The following RPS6KA3 variants were observed in gnomAD, a reference collection of about 807,000 sequenced individuals.
RPS6KA3 encodes ribosomal protein S6 kinase alpha-3.
In RPS6KA3, 4 loss-of-function variants were observed where a neutral mutation model predicts 67.2. The observed-to-expected ratio is 0.06, with a 90% CI of 0.03 to 0.14. The LOEUF (loss-of-function observed/expected upper bound fraction) is 0.14. Among genes scored for constraint, RPS6KA3 ranks in the 10% least tolerant of loss-of-function variants. RPS6KA3 has a pLI of 1.00. For synonymous variants in RPS6KA3, 182 were observed against 183.7 expected, an observed-to-expected ratio of 0.99 and a Z score of 0.07; for missense variants, 204 against 559.0, an observed-to-expected ratio of 0.36 and a Z score of 6.40.
chrX:20,255,969 G>T (rs1383925990), intron 1 of RPS6KA3, among the ~76,000 whole-genome samples: 1 of 103,990 alleles, frequency 9.6e-6, no homozygotes, highest in Non-Finnish European at 2.0e-5. Flanking sequence ...AATTAGCCAG[G>T]CGTGGTGGTG....
intron 4 of RPS6KA3, among the ~76,000 whole-genome samples, chrX:20,199,669 A>G (rs1227075721): frequency 6.3e-5 from 7 of 111,952 alleles, no homozygotes; most frequent in Non-Finnish European, 1.3e-4. Flanking sequence ...ACCACACCTC[A>G]TATATCATAT....
In RPS6KA3 at chrX:20,164,762, A is replaced by G; in HGVS notation, c.1764+137T>C. The G allele has an allele frequency of 7.5e-6, 4 of 533,454 alleles. No homozygotes were observed. In the South Asian group the frequency reaches 1.1e-4, roughly 15 times the overall value. The allele number at this position is 533,454 out of a possible 1,213,427, so 44.0% of individuals were successfully genotyped here. A position where few individuals can be genotyped will look rare whatever the true frequency, so the allele number is the denominator to read the frequency against. On this transcript the variant is annotated intron_variant, in intron 18 of 21. Transcript: ENST00000379565. ...GATGTCACTGAAACATTAAACAGGG[A>G]AATGAAAGGCTGGCATTTTATCCTA...
intron 7 of RPS6KA3, among the ~76,000 whole-genome samples, chrX:20,190,299 T>G (rs750391471): frequency 8.9e-6 from 1 of 112,126 alleles, no homozygotes; most frequent in Non-Finnish European, 1.9e-5. Flanking sequence ...TGAAAAACCC[T>G]TAACAGTTCA....
chrX:20,252,229 G>T (rs1358929039), intron 1 of RPS6KA3, among the ~76,000 whole-genome samples: 1 of 111,471 alleles, frequency 9.0e-6, no homozygotes, highest in Non-Finnish European at 1.9e-5. Flanking sequence ...GCTCACTGAG[G>T]CATTTTTGTG....
chrX:20,220,753 A>G (rs1029669476), intron 2 of RPS6KA3, among the ~76,000 whole-genome samples: 1 of 111,640 alleles, frequency 9.0e-6, no homozygotes, highest in Non-Finnish European at 1.9e-5. Context: ...TTCAGACACC[A>G]AAATCTGAAA....
intron 2 of RPS6KA3, among the ~76,000 whole-genome samples, chrX:20,227,686 T>C (rs1603429960): frequency 1.0e-5 from 1 of 100,222 alleles, no homozygotes; most frequent in South Asian, 4.1e-4. Flanking sequence ...GGAAAATTGC[T>C]TTTTTTTTTA....
intron 2 of RPS6KA3, among the ~76,000 whole-genome samples, chrX:20,209,876 C>G (rs929987601): frequency 1.8e-5 from 2 of 111,865 alleles, no homozygotes; most frequent in African/African-American, 6.5e-5. Flanking sequence ...GAAAAATATT[C>G]CAGGGTAAAC....
At chrX:20,246,913 G>A (rs1026057437) in intron 1 of RPS6KA3, among the ~76,000 whole-genome samples, 1 of 111,073 alleles carries the variant, frequency 9.0e-6, no homozygotes, top group Non-Finnish European at 1.9e-5. Context: ...AAGTGTCTTA[G>A]GCATGTTTTT....
chrX:20,188,482 G>A lies in RPS6KA3; in HGVS notation c.631+15C>T. On this transcript the variant is annotated intron_variant, in intron 8 of 21. Coordinates refer to ENST00000379565, the MANE Select transcript of RPS6KA3 (RefSeq NM_004586.3). ...AGGAGAAAATATTTTAATAAAACGA[G>A]GATTTTTTTTTTACCTGTTAACTTG... 1.1e-6 allele frequency: 1 copy of A among 946,664 alleles called. No homozygotes were observed. Among genetic ancestry groups the A allele is most frequent in the Non-Finnish European group, 1.5e-6 (1 of 663,436 alleles). 78.0% of individuals were successfully genotyped at this position (946,664 alleles called of 1,213,427 possible). A position where few individuals can be genotyped will look rare whatever the true frequency, so the allele number is the denominator to read the frequency against.
At chrX:20,184,722 A>G (rs1357401187) in intron 10 of RPS6KA3, among the ~76,000 whole-genome samples, 1 of 111,243 alleles carries the variant, frequency 9.0e-6, no homozygotes, top group African/African-American at 3.3e-5. Context: ...GGTTCACATT[A>G]TATTTCTAGT....
chrX:20,203,835 T>C, intron 4 of RPS6KA3, 187 bp downstream of exon 4: 1 of 428,764 alleles, frequency 2.3e-6, no homozygotes, highest in Non-Finnish European at 4.1e-6. Flanking sequence ...GTGGCAACTC[T>C]GGTTCTCACT....
chrX:20,253,431 T>C (rs2069942270), intron 1 of RPS6KA3, among the ~76,000 whole-genome samples: 1 of 111,033 alleles, frequency 9.0e-6, no homozygotes, highest in African/African-American at 3.3e-5. Flanking sequence ...GTCTAGGATA[T>C]ATGGGAGGTG....
At chrX:20,225,967 C>G (rs1436505463) in intron 2 of RPS6KA3, among the ~76,000 whole-genome samples, 1 of 111,355 alleles carries the variant, frequency 9.0e-6, no homozygotes. Context: ...AGGTGGATTA[C>G]TTGAGGTCAG....
At chrX:20,222,268 G>A (rs1480505422) in intron 2 of RPS6KA3, among the ~76,000 whole-genome samples, 1 of 111,691 alleles carries the variant, frequency 9.0e-6, no homozygotes, top group African/African-American at 3.3e-5. Flanking sequence ...TGAACATCAA[G>A]GAAAGAGGAA....
Position 20,152,013 on chromosome X carries a change from A to G in RPS6KA3, c.*3385T>C, listed in dbSNP as rs1293092373. ...GCCCCAACAGCAGTCACTTCTTAAAAAGAGATGGGAAATGGTTGACCCAAA... is the reference window on the plus strand; with the variant it reads ...GCCCCAACAGCAGTCACTTCTTAAAGAGAGATGGGAAATGGTTGACCCAAA... On this transcript the variant is annotated 3_prime_UTR_variant, in exon 22 of 22. Coordinates refer to ENST00000379565, the MANE Select transcript of RPS6KA3 (RefSeq NM_004586.3). 1 of 112,181 alleles carries G rather than the reference A, an allele frequency of 8.9e-6. No homozygotes were observed. Among genetic ancestry groups the G allele is most frequent in the African/African-American group, 3.2e-5 (1 of 30,809 alleles). 9.2% of individuals were successfully genotyped at this position (112,181 alleles called of 1,213,427 possible).
At chrX:20,227,866 C>T (rs1202131087) in intron 2 of RPS6KA3, among the ~76,000 whole-genome samples, 2 of 109,910 alleles carry the variant, frequency 1.8e-5, no homozygotes, top group Non-Finnish European at 3.8e-5. Context: ...GTATTTCTTT[C>T]CTGCTTTCTT....
intron 1 of RPS6KA3, among the ~76,000 whole-genome samples, chrX:20,254,311 C>T (rs988360592): frequency 8.9e-6 from 1 of 111,939 alleles, no homozygotes; most frequent in African/African-American, 3.2e-5. Context: ...AAACTATAGA[C>T]TAGTTTAGGC....
chrX:20,194,724 G>A (rs945011439), intron 5 of RPS6KA3, among the ~76,000 whole-genome samples: 2 of 110,458 alleles, frequency 1.8e-5, no homozygotes, highest in African/African-American at 6.6e-5. Flanking sequence ...TGACATTAGG[G>A]ATCTCTTTGG....
chrX:20,227,583 TGA>T (rs1019079198), intron 2 of RPS6KA3, among the ~76,000 whole-genome samples: 1 of 111,447 alleles, frequency 9.0e-6, no homozygotes, highest in Non-Finnish European at 1.9e-5. Context: ...ATTTCAGAGA[TGA>T]GCCTTCTTGA....
Sources: allele counts gnomAD v4.1 joint callset (sites outside exome capture counted in the v4.1 genomes callset), GRCh38; gene constraint gnomAD v4.1.1; transcripts MANE v1.5; gene names NCBI Gene and HGNC (gene_info 2026-07-23, HGNC 2026-07-21).